SFMBT1: variants seen among roughly 807,000 people sequenced by gnomAD.
The protein encoded by SFMBT1 is Scm like with four mbt domains 1, also known as scm-like with four MBT domains protein 1.
Under a neutral mutation model 108.7 loss-of-function variants are expected in SFMBT1, and 32 were observed. The ratio of observed to expected loss-of-function variants is 0.29; its 90% CI spans 0.22 to 0.40. The LOEUF is 0.40. SFMBT1 is among the 10% of genes least tolerant of loss of function. The pLI, the probability that SFMBT1 is intolerant of heterozygous loss-of-function variation, is 1.00. For missense variants in SFMBT1, 816 were observed against 1,059.6 expected (o/e 0.77, Z 3.19); for synonymous variants, 348 against 369.5 (o/e 0.94, Z 0.67).
At chr3:52,923,183 A>C (rs892157866) in intron 10 of SFMBT1, among the ~76,000 whole-genome samples, 1 of 152,248 alleles carries the variant, frequency 6.6e-6, no homozygotes, top group Non-Finnish European at 1.5e-5. Flanking sequence ...GTGATTATGC[A>C]AGAAGAAAAC....
chr3:53,022,736 T>C (rs1300796457), intron 1 of SFMBT1, among the ~76,000 whole-genome samples: 1 of 152,116 alleles, frequency 6.6e-6, no homozygotes, highest in Non-Finnish European at 1.5e-5. Flanking sequence ...AAAAACAGAA[T>C]GCTGGTTACC....
intron 1 of SFMBT1, among the ~76,000 whole-genome samples, chr3:53,037,441 A>G (rs1559558921): frequency 1.3e-5 from 2 of 152,266 alleles, no homozygotes; most frequent in South Asian, 4.1e-4. Context: ...GGTGTTATTC[A>G]TATTAACGAT....
chr3:52,944,113 T>C (rs1703281219), intron 3 of SFMBT1, among the ~76,000 whole-genome samples: 1 of 152,222 alleles, frequency 6.6e-6, no homozygotes, highest in Non-Finnish European at 1.5e-5. Flanking sequence ...CTCAAAAGTG[T>C]TCTAATTTAG....
chr3:53,029,711 AG>A (rs1229290599), intron 1 of SFMBT1, among the ~76,000 whole-genome samples: 1 of 152,218 alleles, frequency 6.6e-6, no homozygotes, highest in Non-Finnish European at 1.5e-5. Flanking sequence ...ACACCTCAGT[AG>A]TCTGAAGACA....
intron 2 of SFMBT1, among the ~76,000 whole-genome samples, chr3:52,958,776 G>GTATC (rs147699106): frequency 0.026 from 3,900 of 152,094 alleles, 178 homozygotes; most frequent in African/African-American, 0.089. Flanking sequence ...CCATTACTGG[G>GTATC]TATCTACCCA....
chr3:52,960,493 A>G (rs537277812), intron 2 of SFMBT1, among the ~76,000 whole-genome samples: 17 of 152,212 alleles, frequency 1.1e-4, no homozygotes, highest in Non-Finnish European at 2.2e-4. Context: ...ACAAAAAATA[A>G]TAAGTGTTGG....
chr3:52,978,424 G>C (rs1704594953), intron 1 of SFMBT1, among the ~76,000 whole-genome samples: 2 of 152,122 alleles, frequency 1.3e-5, no homozygotes, highest in Admixed American at 1.3e-4. Flanking sequence ...ATGTACCTCT[G>C]TGAGTACCCC....
chr3:53,040,807 T>C (rs115257145), intron 1 of SFMBT1, among the ~76,000 whole-genome samples: 8 of 151,508 alleles, frequency 5.3e-5, no homozygotes, highest in African/African-American at 1.7e-4. Context: ...CTACTTTTTT[T>C]TTTGTTTTTA....
At chr3:53,041,390 C>A (rs1185506465) in intron 1 of SFMBT1, among the ~76,000 whole-genome samples, 1 of 152,092 alleles carries the variant, frequency 6.6e-6, no homozygotes, top group African/African-American at 2.4e-5. Flanking sequence ...AACCTGACCA[C>A]ATTCTTTCTA....
intron 5 of SFMBT1, among the ~76,000 whole-genome samples, chr3:52,934,543 C>T (rs755298958): frequency 5.9e-5 from 9 of 151,928 alleles, no homozygotes; most frequent in Non-Finnish European, 8.8e-5. Flanking sequence ...AGAGTGAAAG[C>T]CCTCAGAAGG....
At chr3:52,952,010 G>A (rs1004993296) in intron 3 of SFMBT1, among the ~76,000 whole-genome samples, 3 of 152,128 alleles carry the variant, frequency 2.0e-5, no homozygotes, top group Non-Finnish European at 4.4e-5. Context: ...AATGAACAAA[G>A]AATAATCAAA....
chr3:52,960,592 T>G (rs1001939709), intron 2 of SFMBT1, among the ~76,000 whole-genome samples: 1 of 151,770 alleles, frequency 6.6e-6, no homozygotes, highest in Non-Finnish European at 1.5e-5. Context: ...CAGTACTTCC[T>G]CAAAATATTT....
At chr3:52,948,217 A>T (rs1703440366) in intron 3 of SFMBT1, among the ~76,000 whole-genome samples, 1 of 151,334 alleles carries the variant, frequency 6.6e-6, no homozygotes, top group African/African-American at 2.4e-5. Flanking sequence ...CAATTAAACC[A>T]GCACTTTTCC....
At chr3:52,969,605 G>T (rs1704270847) in intron 1 of SFMBT1, among the ~76,000 whole-genome samples, 1 of 152,064 alleles carries the variant, frequency 6.6e-6, no homozygotes, top group Admixed American at 6.5e-5. Flanking sequence ...GTTCCTAATG[G>T]TCTCCTAGGG....
chr3:52,936,073 T>G (rs1235564953), intron 4 of SFMBT1, among the ~76,000 whole-genome samples: 2 of 152,172 alleles, frequency 1.3e-5, no homozygotes, highest in African/African-American at 2.4e-5. Flanking sequence ...TGGAATAAGT[T>G]ATACCCTTCC....
At chr3:52,953,622 A>G (rs2106832626) in intron 3 of SFMBT1, among the ~76,000 whole-genome samples, 1 of 152,334 alleles carries the variant, frequency 6.6e-6, no homozygotes, top group East Asian at 1.9e-4. Context: ...TATGCATGTC[A>G]TACTTATGTT....
At chr3:53,022,560 T>A (rs1175462830) in intron 1 of SFMBT1, among the ~76,000 whole-genome samples, 1 of 151,634 alleles carries the variant, frequency 6.6e-6, no homozygotes, top group Non-Finnish European at 1.5e-5. Flanking sequence ...AGACATACAG[T>A]GGAATATTAT....
chr3:52,940,049 C>G (rs576428376), intron 4 of SFMBT1, among the ~76,000 whole-genome samples: 1 of 152,046 alleles, frequency 6.6e-6, no homozygotes, highest in South Asian at 2.1e-4. Context: ...TGTTTCTACT[C>G]TTTTTTCACT....
intron 1 of SFMBT1, among the ~76,000 whole-genome samples, chr3:53,020,795 G>A (rs1159297709): frequency 2.6e-5 from 4 of 152,086 alleles, no homozygotes; most frequent in African/African-American, 9.7e-5. Context: ...GGTGGTTCAC[G>A]CCTGTCATCC....
Sources: gnomAD v4.1 joint callset for allele counts (sites outside exome capture counted in the v4.1 genomes callset) on GRCh38, gnomAD v4.1.1 for gene constraint, MANE v1.5 for transcripts, NCBI Gene and HGNC (gene_info 2026-07-23, HGNC 2026-07-21) for gene names.